FBXW11: variants seen among roughly 807,000 people sequenced by gnomAD.
FBXW11 encodes F-box and WD repeat domain containing 11, also known as F-box/WD repeat-containing protein 11.
In FBXW11, 19 loss-of-function variants were observed where a neutral mutation model predicts 77.6. That is an observed-to-expected ratio of 0.24 (90% CI 0.17 to 0.36). FBXW11 has a LOEUF of 0.36. Among genes scored for constraint, FBXW11 ranks in the 10% least tolerant of loss-of-function variants. The pLI is 1.00. For missense variants in FBXW11, 334 were observed against 704.2 expected (o/e 0.47, Z 5.95); for synonymous variants, 235 against 249.4 (o/e 0.94, Z 0.54).
intron 4 of FBXW11, among the ~76,000 whole-genome samples, chr5:171,903,604 G>T (rs879144454): frequency 1.5e-4 from 23 of 151,978 alleles, no homozygotes; most frequent in Admixed American, 1.0e-3. Context: ...TCTTTCTAAC[G>T]CTGGGGTACT....
rs927673131 is a variant in FBXW11, at chr5:171,891,700, C to T, written c.715-96G>A. The T allele has an allele frequency of 1.3e-4, 164 of 1,227,822 alleles. 1 individual carries two copies. Among genetic ancestry groups the T allele is most frequent in the South Asian group, 8.0e-4 (50 of 62,852 alleles). 76.1% of individuals were successfully genotyped at this position (1,227,822 alleles called of 1,614,324 possible). ...GTTGCTTCCAGAAACAGCATACCACCGATACCCCAATCTTGGTTTGCATAA... is the reference window on the plus strand; with the variant it reads ...GTTGCTTCCAGAAACAGCATACCACTGATACCCCAATCTTGGTTTGCATAA... On this transcript the variant is annotated intron_variant, in intron 6 of 13. Coordinates refer to ENST00000517395, the MANE Select transcript of FBXW11 (RefSeq NM_001378974.1).
At chr5:171,899,808 TA>T in intron 5 of FBXW11, 105 bp downstream of exon 5, 1 of 1,054,686 alleles carries the variant, frequency 9.5e-7, no homozygotes, top group African/African-American at 1.6e-5. Flanking sequence ...CCCCCCTTTT[TA>T]AAAATAGGCC....
At chr5:171,920,237 T>C (rs1359646564) in intron 2 of FBXW11, among the ~76,000 whole-genome samples, 2 of 151,186 alleles carry the variant, frequency 1.3e-5, no homozygotes, top group Non-Finnish European at 1.5e-5. Flanking sequence ...ATTCTGAACA[T>C]AAGTGGAAGT....
intron 2 of FBXW11, among the ~76,000 whole-genome samples, chr5:171,915,629 G>GTGTT (rs1337750460): frequency 1.3e-5 from 2 of 151,618 alleles, no homozygotes; most frequent in African/African-American, 4.8e-5. Flanking sequence ...GTGTGTGTGT[G>GTGTT]TGTGTGTGTG....
rs1164383563 is a variant in FBXW11 at position 171,952,447 on chromosome 5, A to ATTTTTTTTTTTTT, written c.147+5137_147+5149dup. ...CATATATATATATATATATATATAT[A>ATTTTTTTTTTTTT]TTTTTTTTTTTTTTTTTTTTTTTGA... On this transcript the variant is annotated intron_variant, in intron 2 of 13. Transcript: ENST00000517395. 4.3e-3 allele frequency among the ~76,000 whole-genome samples: 30 copies of ATTTTTTTTTTTTT among 6,948 alleles called. 5 individuals carry two copies. Among genetic ancestry groups the ATTTTTTTTTTTTT allele is most frequent in the Non-Finnish European group, 7.9e-3 (25 of 3,152 alleles). The allele number at this position is 6,948 out of a possible 152,430, so 4.6% of individuals were successfully genotyped here. A position where few individuals can be genotyped will look rare whatever the true frequency, so the allele number is the denominator to read the frequency against.
chr5:171,954,613 G>C (rs1236700308), intron 2 of FBXW11, among the ~76,000 whole-genome samples: 1 of 152,176 alleles, frequency 6.6e-6, no homozygotes, highest in African/African-American at 2.4e-5. Flanking sequence ...AGTTCAGCTT[G>C]GTTGAGAGAT....
At position 171,894,071 on chromosome 5, in the gene FBXW11, C is replaced by G. The variant is rs1345607475; in HGVS notation, c.715-2467G>C. Among the ~76,000 whole-genome samples the G allele has an allele frequency of 7.2e-5, 11 of 152,000 alleles. No individual in the cohort carries two copies. The South Asian group carries it at 2.1e-3, about 29-fold the overall frequency. On this transcript the variant is annotated intron_variant, in intron 6 of 13. Transcript: ENST00000517395. ...TTCCTAGAAGTGGGTGATGTGGTTA[C>G]AATCTTTAACTGTACCCAAAACCCT...
At chr5:171,939,746 T>A (rs1381824085) in intron 2 of FBXW11, among the ~76,000 whole-genome samples, 1 of 148,308 alleles carries the variant, frequency 6.7e-6, no homozygotes, top group Non-Finnish European at 1.5e-5. Flanking sequence ...CTGTAAAGAA[T>A]CTTTAGTATG....
Position 171,863,727 on chromosome 5 carries a change from A to C in FBXW11, c.*400T>G, listed in dbSNP as rs1757219869. The stretch of plus-strand genomic sequence containing the variant: ...GGCACCCAAAATTTCACTGAAGAAG[A>C]ATGCTGTTTCTTAATATCAAACCAA... On this transcript the variant is annotated 3_prime_UTR_variant, in exon 14 of 14. Transcript: ENST00000517395. 6.6e-6 allele frequency: 1 copy of C among 152,654 alleles called. No individual in the cohort carries two copies. Among genetic ancestry groups the C allele is most frequent in the Non-Finnish European group, 1.5e-5 (1 of 68,034 alleles). 9.5% of individuals were successfully genotyped at this position (152,654 alleles called of 1,614,324 possible).
intron 6 of FBXW11, among the ~76,000 whole-genome samples, chr5:171,896,009 C>T (rs1212519625): frequency 1.3e-5 from 2 of 152,188 alleles, no homozygotes; most frequent in Non-Finnish European, 2.9e-5. Context: ...TTATTCTCCC[C>T]AGACTCCATT....
chr5:171,931,808 C>T (rs191901349), intron 2 of FBXW11, among the ~76,000 whole-genome samples: 1 of 144,570 alleles, frequency 6.9e-6, no homozygotes, highest in East Asian at 2.0e-4. Flanking sequence ...TTCTCTCTCT[C>T]TCTCTCCTCT....
chr5:171,984,211 A>C (rs530979427), intron 1 of FBXW11, among the ~76,000 whole-genome samples: 67 of 152,368 alleles, frequency 4.4e-4, no homozygotes, highest in Non-Finnish European at 8.4e-4. Context: ...AATGCTCTGG[A>C]AAAGGTCTAT....
intron 1 of FBXW11, among the ~76,000 whole-genome samples, chr5:171,982,279 A>AT (rs1221640825): frequency 6.6e-6 from 1 of 151,924 alleles, no homozygotes; most frequent in Non-Finnish European, 1.5e-5. Flanking sequence ...TTATTTATTT[A>AT]TTTTTTTGAG....
At position 172,006,508 on chromosome 5, in the gene FBXW11, C is replaced by A. The variant is rs1440461918; in HGVS notation, c.-6G>T. On this transcript the variant is annotated 5_prime_UTR_variant, in exon 1 of 14. Coordinates refer to ENST00000517395, the MANE Select transcript of FBXW11 (RefSeq NM_001378974.1). ...ATCACCGAGTCGGGCTCCATGGCGG[C>A]CCCGGCGGCCCCGCCTCGCTCTCCC... 2 of 1,506,260 alleles carry A rather than the reference C, an allele frequency of 1.3e-6. No individual in the cohort carries two copies. Among genetic ancestry groups the A allele is most frequent in the Non-Finnish European group, 1.8e-6 (2 of 1,126,304 alleles). The allele number at this position is 1,506,260 out of a possible 1,614,324, so 93.3% of individuals were successfully genotyped here.
chr5:171,971,403 C>T (rs1053101462), intron 1 of FBXW11, among the ~76,000 whole-genome samples: 1 of 152,162 alleles, frequency 6.6e-6, no homozygotes, highest in Non-Finnish European at 1.5e-5. Context: ...CTCATCTGTG[C>T]CCCTCCTTTA....
At chr5:171,945,937 T>C (rs747704670) in intron 2 of FBXW11, among the ~76,000 whole-genome samples, 5 of 152,208 alleles carry the variant, frequency 3.3e-5, no homozygotes, top group Admixed American at 6.5e-5. Context: ...TCAACTTGGC[T>C]AGACTAGGTT....
At chr5:171,970,925 A>C (rs2113418007) in intron 1 of FBXW11, among the ~76,000 whole-genome samples, 1 of 152,334 alleles carries the variant, frequency 6.6e-6, no homozygotes, top group African/African-American at 2.4e-5. Flanking sequence ...AGGGGCTAGG[A>C]CAGCCTTAGA....
chr5:171,909,923 GA>G (rs1213610707), intron 4 of FBXW11, among the ~76,000 whole-genome samples: 1 of 152,132 alleles, frequency 6.6e-6, no homozygotes, highest in African/African-American at 2.4e-5. Flanking sequence ...AACTATGTTT[GA>G]AGGGAAAAGA....
At chr5:171,871,799 C>T (rs1168203725) in intron 10 of FBXW11, among the ~76,000 whole-genome samples, 2 of 152,152 alleles carry the variant, frequency 1.3e-5, no homozygotes, top group Admixed American at 6.5e-5. Context: ...TTCTTAGTAC[C>T]CGTGATGATA....
Sources: gnomAD v4.1 joint callset for allele counts (sites outside exome capture counted in the v4.1 genomes callset) on GRCh38, gnomAD v4.1.1 for gene constraint, MANE v1.5 for transcripts, NCBI Gene and HGNC (gene_info 2026-07-23, HGNC 2026-07-21) for gene names.